RBM33: variants seen among roughly 807,000 people sequenced by gnomAD.
RBM33 encodes the protein RNA-binding protein 33.
Under a neutral mutation model 132.6 loss-of-function variants are expected in RBM33, and 28 were observed. That is an observed-to-expected ratio of 0.21 (90% CI 0.16 to 0.29). The LOEUF (loss-of-function observed/expected upper bound fraction) is 0.29, where lower values mean the gene tolerates loss of function less well. Ranked by LOEUF, RBM33 falls within the 10% of genes least tolerant of loss-of-function variation. The pLI, the probability that RBM33 is intolerant of heterozygous loss-of-function variation, is 1.00. For missense variants in RBM33, 1,291 were observed against 1,518.5 expected (o/e 0.85, Z 2.49); for synonymous variants, 634 against 593.0 (o/e 1.07, Z -1.01).
chr7:155,693,240 C>T (rs1293787418), intron 5 of RBM33, among the ~76,000 whole-genome samples: 1 of 151,906 alleles, frequency 6.6e-6, no homozygotes, highest in Non-Finnish European at 1.5e-5. Context: ...TATGAAAAGA[C>T]AGGGAAACAT....
chr7:155,671,629 G>T (rs1351148459), intron 2 of RBM33, among the ~76,000 whole-genome samples: 1 of 152,112 alleles, frequency 6.6e-6, no homozygotes, highest in Non-Finnish European at 1.5e-5. Flanking sequence ...TAATGGTTTT[G>T]CTGATTTCTC....
rs890428831 is a variant in RBM33, at chr7:155,775,120, C to T, written c.*79C>T. The T allele has an allele frequency of 6.4e-6, 8 of 1,249,940 alleles. No homozygotes were observed. The African/African-American group carries it at 1.0e-4, about 16-fold the overall frequency. The allele number at this position is 1,249,940 out of a possible 1,614,324, so 77.4% of individuals were successfully genotyped here. A position where few individuals can be genotyped will look rare whatever the true frequency, so the allele number is the denominator to read the frequency against. The stretch of plus-strand genomic sequence containing the variant: ...AAGGGAGCTGCCGGCCGGCGCAGAA[C>T]CCCCAGGAGCACAGGTCTCTCCGGG... On this transcript the variant is annotated 3_prime_UTR_variant, in exon 18 of 18. Transcript: ENST00000401878.
chr7:155,747,891 G>A (rs1269423052), intron 14 of RBM33, among the ~76,000 whole-genome samples: 1 of 152,214 alleles, frequency 6.6e-6, no homozygotes, highest in Non-Finnish European at 1.5e-5. Context: ...GACTATTTTT[G>A]AGAGAACATA....
At chr7:155,655,881 C>A (rs1213917474) in intron 1 of RBM33, among the ~76,000 whole-genome samples, 2 of 151,876 alleles carry the variant, frequency 1.3e-5, no homozygotes, top group African/African-American at 4.8e-5. Flanking sequence ...TTGCAAGACC[C>A]CGTCTCTTAA....
At chr7:155,700,498 G>T (rs1449919266) in intron 5 of RBM33, among the ~76,000 whole-genome samples, 1 of 148,174 alleles carries the variant, frequency 6.7e-6, no homozygotes, top group African/African-American at 2.5e-5. Flanking sequence ...CGTGTAAGCA[G>T]CAATGATGTG....
intron 1 of RBM33, among the ~76,000 whole-genome samples, chr7:155,653,556 G>T: frequency 7.3e-6 from 1 of 136,816 alleles, no homozygotes; most frequent in South Asian, 2.6e-4. Context: ...AGAACGTTCA[G>T]GCTCAACCCC....
intron 9 of RBM33, among the ~76,000 whole-genome samples, chr7:155,731,971 T>A (rs1321426932): frequency 6.6e-6 from 1 of 152,220 alleles, no homozygotes; most frequent in Non-Finnish European, 1.5e-5. Flanking sequence ...GTTCTAATTA[T>A]AGGCAAAATT....
At chr7:155,678,089 A>G (rs1799234865) in intron 3 of RBM33, among the ~76,000 whole-genome samples, 1 of 152,180 alleles carries the variant, frequency 6.6e-6, no homozygotes, top group Non-Finnish European at 1.5e-5. Flanking sequence ...GGAGTGGGGA[A>G]CTGAGCTGCT....
At chr7:155,734,240 G>A (rs1050367358) in intron 9 of RBM33, among the ~76,000 whole-genome samples, 9 of 152,242 alleles carry the variant, frequency 5.9e-5, no homozygotes, top group East Asian at 1.9e-4. Flanking sequence ...TCCTGAGTGC[G>A]TGCTTCTGTG....
chr7:155,661,628 G>A lies in RBM33; in HGVS notation c.44-3547G>A, dbSNP rs192545524. Reference sequence around the variant, plus strand: ...TCGCCATGTTGGCCAGGCTGGTCTCGAACTCCTGACCTCAAGTGATCCACC... The same window carrying A: ...TCGCCATGTTGGCCAGGCTGGTCTCAAACTCCTGACCTCAAGTGATCCACC... On this transcript the variant is annotated intron_variant, in intron 1 of 17. Transcript: ENST00000401878. 5.1e-4 allele frequency among the ~76,000 whole-genome samples: 77 copies of A among 151,698 alleles called. 1 individual carries two copies. In the East Asian group the frequency reaches 0.014, roughly 28 times the overall value.
chr7:155,780,095 T>C lies in RBM33; in HGVS notation c.*5054T>C, dbSNP rs558801024. ...TAGAAAGTAGACCTCATGCATTCTT[T>C]TAGCATGATTTTCTTTTAAACTGCT... is the stretch of plus-strand genomic sequence containing the variant. On this transcript the variant is annotated 3_prime_UTR_variant, in exon 18 of 18. Coordinates refer to ENST00000401878, the MANE Select transcript of RBM33 (RefSeq NM_053043.3). 3 of 152,246 alleles carry C rather than the reference T, an allele frequency of 2.0e-5. No individual in the cohort carries two copies. The highest frequency in any genetic ancestry group is 7.2e-5 in the African/African-American group (3 of 41,472). 9.4% of individuals were successfully genotyped at this position (152,246 alleles called of 1,614,324 possible).
At chr7:155,711,128 A>G in intron 7 of RBM33, 75 bp from the exon 8 acceptor site, 1 of 1,424,314 alleles carries the variant, frequency 7.0e-7, no homozygotes. Flanking sequence ...ATTCTTTTAA[A>G]TGTTGATTTC....
intron 1 of RBM33, among the ~76,000 whole-genome samples, chr7:155,652,652 C>T (rs1798387917): frequency 1.3e-5 from 2 of 152,128 alleles, no homozygotes; most frequent in South Asian, 2.1e-4. Context: ...AATTGATCCC[C>T]CTATTAAAAT....
rs192069602 is a variant in RBM33, at chr7:155,682,996, A to C, written c.567+2088A>C. 5.4e-4 allele frequency among the ~76,000 whole-genome samples: 82 copies of C among 150,704 alleles called. 1 individual carries two copies. The highest frequency in any genetic ancestry group is 2.0e-3 in the African/African-American group (80 of 40,298). ...AAAATGAATTTTTTTTTCAGAATTA[A>C]AGTCTTGAAGTAAAAAAAAAAAACT... On this transcript the variant is annotated intron_variant, in intron 5 of 17. Transcript: ENST00000401878.
Position 155,653,898 on chromosome 7 carries a change from A to G in RBM33, c.43+8979A>G, listed in dbSNP as rs186197750. On this transcript the variant is annotated intron_variant, in intron 1 of 17. Coordinates refer to ENST00000401878, the MANE Select transcript of RBM33 (RefSeq NM_053043.3). ...GCCTGGGCACCTCATTGCAGTTGGC[A>G]TCTGAAGTGGGGCAGCCTTGTGAAA... 3.9e-3 allele frequency among the ~76,000 whole-genome samples: 594 copies of G among 152,312 alleles called. 7 individuals are homozygous for G. The highest frequency in any genetic ancestry group is 0.013 in the African/African-American group (560 of 41,574).
chr7:155,736,156 A>G (rs927654323), intron 9 of RBM33, among the ~76,000 whole-genome samples: 4 of 152,222 alleles, frequency 2.6e-5, no homozygotes, highest in African/African-American at 9.6e-5. Flanking sequence ...TGTCAATGCC[A>G]TGGGTAGAAC....
At chr7:155,652,072 G>A (rs1798369981) in intron 1 of RBM33, among the ~76,000 whole-genome samples, 1 of 152,140 alleles carries the variant, frequency 6.6e-6, no homozygotes, top group Non-Finnish European at 1.5e-5. Context: ...CTGATTTGTA[G>A]TTAATATTTA....
Position 155,689,813 on chromosome 7 carries a change from T to C in RBM33, c.567+8905T>C, listed in dbSNP as rs1439426512. 6.6e-5 allele frequency among the ~76,000 whole-genome samples: 10 copies of C among 152,340 alleles called. No homozygotes were observed. The East Asian group carries it at 1.3e-3, about 21-fold the overall frequency. ...TGAGTTTCTTAATCCTAAGTTCTAG[T>C]TTGATTGCACTGTGGTCTGAGAGAC... On this transcript the variant is annotated intron_variant, in intron 5 of 17. Coordinates refer to ENST00000401878, the MANE Select transcript of RBM33 (RefSeq NM_053043.3).
At chr7:155,712,243 GT>G (rs1437808452) in intron 8 of RBM33, among the ~76,000 whole-genome samples, 1 of 152,170 alleles carries the variant, frequency 6.6e-6, no homozygotes, top group African/African-American at 2.4e-5. Context: ...TCTTTTAGTT[GT>G]TGTAATCAAA....
Sources: allele counts gnomAD v4.1 joint callset (sites outside exome capture counted in the v4.1 genomes callset), GRCh38; gene constraint gnomAD v4.1.1; transcripts MANE v1.5; gene names NCBI Gene and HGNC (gene_info 2026-07-23, HGNC 2026-07-21).